Variants in PXDN observed in about 807,000 individuals in gnomAD.
PXDN encodes peroxidasin homolog.
Under a neutral mutation model 140.3 loss-of-function variants are expected in PXDN, and 77 were observed. The observed-to-expected ratio is 0.55, with a 90% CI of 0.46 to 0.66. The LOEUF (loss-of-function observed/expected upper bound fraction) is 0.66. PXDN is among the 30% of genes least tolerant of loss of function. PXDN has a pLI of 0.00. For missense variants in PXDN, 1,838 were observed against 2,039.5 expected (o/e 0.90, Z 1.90); for synonymous variants, 911 against 857.4 (o/e 1.06, Z -1.09).
At chr2:1,716,459 A>C (rs1302143594) in intron 1 of PXDN, among the ~76,000 whole-genome samples, 1 of 143,402 alleles carries the variant, frequency 7.0e-6, no homozygotes, top group Non-Finnish European at 1.5e-5. Context: ...AAAAAAAAAA[A>C]AAAAAAAAAA....
At chr2:1,696,990 A>G (rs1337114793) in intron 1 of PXDN, among the ~76,000 whole-genome samples, 1 of 152,140 alleles carries the variant, frequency 6.6e-6, no homozygotes, top group Non-Finnish European at 1.5e-5. Context: ...TGCCTGAATC[A>G]TTTCTCACTT....
intron 1 of PXDN, among the ~76,000 whole-genome samples, chr2:1,699,484 G>A (rs540501920): frequency 6.6e-5 from 10 of 152,264 alleles, no homozygotes; most frequent in African/African-American, 1.4e-4. Flanking sequence ...CGAGGCCGGC[G>A]GATCACCTGA....
chr2:1,681,207 G>A (rs1558506279), intron 6 of PXDN, among the ~76,000 whole-genome samples: 1 of 152,156 alleles, frequency 6.6e-6, no homozygotes, highest in African/African-American at 2.4e-5. Context: ...TTGCGGCGGG[G>A]AGAAGCCTGG....
At chr2:1,726,544 C>T (rs1685189596) in intron 1 of PXDN, among the ~76,000 whole-genome samples, 1 of 151,860 alleles carries the variant, frequency 6.6e-6, no homozygotes, top group Admixed American at 6.6e-5. Context: ...CTAACCTGCA[C>T]ATTGTGCACA....
chr2:1,701,562 C>T lies in PXDN; in HGVS notation c.201-8428G>A, dbSNP rs182668063. ...CTCAGGATGCCCCTTACTTCCCCTG[C>T]GGGTGAAGGGGAGCCGCAGAGAAGC... On this transcript the variant is annotated intron_variant, in intron 1 of 22. Transcript: ENST00000252804. Among the ~76,000 whole-genome samples, 684 of 150,912 alleles carry T rather than the reference C, an allele frequency of 4.5e-3. 6 individuals carry two copies. The highest frequency in any genetic ancestry group is 0.016 in the African/African-American group (645 of 41,186).
chr2:1,733,363 C>T (rs1031394141), intron 1 of PXDN, among the ~76,000 whole-genome samples: 2 of 152,116 alleles, frequency 1.3e-5, no homozygotes, highest in Non-Finnish European at 2.9e-5. Context: ...ATCTTAAAAG[C>T]GGCCAGAAAC....
intron 1 of PXDN, among the ~76,000 whole-genome samples, chr2:1,705,085 G>T (rs1456545163): frequency 6.8e-6 from 1 of 146,838 alleles, no homozygotes. Flanking sequence ...CCCTGATGTC[G>T]CCCGGCACTG....
chr2:1,683,560 C>T, intron 6 of PXDN, 96 bp downstream of exon 6: 1 of 515,746 alleles, frequency 1.9e-6, no homozygotes, highest in South Asian at 3.3e-5. Flanking sequence ...AGATTGTTAT[C>T]AACATTTCAC....
chr2:1,736,797 C>T (rs540493081), intron 1 of PXDN, among the ~76,000 whole-genome samples: 23 of 152,286 alleles, frequency 1.5e-4, no homozygotes, highest in Non-Finnish European at 2.4e-4. Flanking sequence ...GATGTCAAAA[C>T]TCAGCAAGCC....
intron 1 of PXDN, among the ~76,000 whole-genome samples, chr2:1,702,158 C>G (rs908473399): frequency 6.6e-6 from 1 of 152,308 alleles, no homozygotes; most frequent in South Asian, 2.1e-4. Context: ...CTGTGAGGGT[C>G]ATTTCTTGTG....
intron 14 of PXDN, among the ~76,000 whole-genome samples, chr2:1,655,706 C>G (rs566471682): frequency 7.9e-6 from 1 of 126,640 alleles, no homozygotes; most frequent in Non-Finnish European, 1.6e-5. Flanking sequence ...CTGACTGAAA[C>G]CTGCCCCCTC....
At chr2:1,676,895 C>T in intron 8 of PXDN, 32 bp downstream of exon 8, 1 of 1,580,158 alleles carries the variant, frequency 6.3e-7, no homozygotes, top group Non-Finnish European at 8.6e-7. Flanking sequence ...CCGAGAGATG[C>T]ACAGGGGCAT....
chr2:1,733,692 A>C (rs1258885835), intron 1 of PXDN, among the ~76,000 whole-genome samples: 2 of 135,040 alleles, frequency 1.5e-5, no homozygotes, highest in Non-Finnish European at 3.1e-5. Flanking sequence ...CAGTGAGCCG[A>C]GATGGTGCCA....
At chr2:1,717,351 C>T (rs1481551408) in intron 1 of PXDN, among the ~76,000 whole-genome samples, 3 of 152,108 alleles carry the variant, frequency 2.0e-5, no homozygotes, top group African/African-American at 4.8e-5. Context: ...CTCGGTTCTG[C>T]GGATCAGTCC....
chr2:1,656,937 C>T (rs1683152836), intron 14 of PXDN, among the ~76,000 whole-genome samples: 1 of 150,552 alleles, frequency 6.6e-6, no homozygotes, highest in African/African-American at 2.5e-5. Context: ...CTGACAGAAA[C>T]CTGTCCCCTC....
chr2:1,681,593 C>T (rs1439893135), intron 6 of PXDN, among the ~76,000 whole-genome samples: 1 of 152,072 alleles, frequency 6.6e-6, no homozygotes, highest in Non-Finnish European at 1.5e-5. Flanking sequence ...ACCTCCCATC[C>T]GAGGTTCTCC....
intron 8 of PXDN, among the ~76,000 whole-genome samples, chr2:1,675,575 T>G (rs1683682419): frequency 6.6e-6 from 1 of 152,176 alleles, no homozygotes. Flanking sequence ...ATATGACTTT[T>G]CAGTCATGAG....
chr2:1,666,073 G>A, intron 10 of PXDN, 141 bp downstream of exon 10: 4 of 1,172,466 alleles, frequency 3.4e-6, no homozygotes, highest in Non-Finnish European at 4.8e-6. Flanking sequence ...GTCCAAGGGG[G>A]GTGTAATGGA....
intron 1 of PXDN, among the ~76,000 whole-genome samples, chr2:1,731,145 C>CGT (rs1685303419): frequency 3.7e-5 from 2 of 54,710 alleles, no homozygotes; most frequent in African/African-American, 6.6e-5. Context: ...CTGTTGAGAG[C>CGT]GCGCGCGCAC....
Sources: gnomAD v4.1 joint callset for allele counts (sites outside exome capture counted in the v4.1 genomes callset) on GRCh38, gnomAD v4.1.1 for gene constraint, MANE v1.5 for transcripts, NCBI Gene and HGNC (gene_info 2026-07-23, HGNC 2026-07-21) for gene names.